Variants in PER1 observed in about 807,000 individuals in gnomAD.
PER1 encodes period circadian regulator 1, also known as period circadian protein homolog 1.
A neutral mutation model predicts 125.9 loss-of-function variants in PER1; 87 were observed. The observed-to-expected ratio is 0.69, with a 90% CI of 0.58 to 0.83. The LOEUF (loss-of-function observed/expected upper bound fraction) is 0.83, where lower values mean the gene tolerates loss of function less well. Ranked by LOEUF, PER1 falls within the 40% of genes least tolerant of loss-of-function variation. PER1 has a pLI of 0.00. For missense variants in PER1, 1,775 were observed against 1,722.8 expected (o/e 1.03, Z -0.54); for synonymous variants, 801 against 714.7 (o/e 1.12, Z -1.93).
In PER1 at chr17:8,149,828, C is replaced by T. The variant is rs562612534; in HGVS notation, c.578G>A (p.Cys193Tyr). ...GGTATAGGTGGACATGTCCATGGAG[C>T]AAGGCTCGCCCTCCTCCAGGCTCCA... is the stretch of plus-strand genomic sequence containing the variant. ...QQWSLEEGEP[C>Y]SMDMSTYTLE... is the part of the protein sequence containing the mutation. The change falls in exon 5 of 23, where the codon TGC becomes TAC. Residue 193 changes from cysteine (C) to tyrosine (Y), a missense_variant. By Grantham distance (194) the Cys-to-Tyr change is radical. Coordinates refer to ENST00000317276, the MANE Select transcript of PER1 (RefSeq NM_002616.3). 1 of 1,613,982 alleles carries T rather than the reference C, an allele frequency of 6.2e-7. No homozygotes were observed. The highest frequency in any genetic ancestry group is 2.2e-5 in the East Asian group (1 of 44,880).
chr17:8,149,294 G>C lies in PER1; in HGVS notation c.870C>G (p.Asp290Glu). The C allele has an allele frequency of 6.2e-7, 1 of 1,613,964 alleles. No homozygotes were observed. The highest frequency in any genetic ancestry group is 8.5e-7 in the Non-Finnish European group (1 of 1,179,936). ...AGAAGACGGACTTCTCCTGGGTAAA[G>C]TCCCTGAGGCCTGAACCTGGGACAG... ...TGASAGSGLRDFTQEKSVFCR... is the reference protein window; with the variant it reads ...TGASAGSGLREFTQEKSVFCR... Residue 290 changes from aspartate (D) to glutamate (E), a missense_variant, in exon 7 of 23, where the codon GAC becomes GAG. Physicochemically the swap from Asp to Glu is conservative, Grantham distance 45. Coordinates refer to ENST00000317276, the MANE Select transcript of PER1 (RefSeq NM_002616.3).
rs1982224601 is a variant in PER1, at chr17:8,143,572, C to T, written c.2766G>A (p.Val922=). ...GGGTTGGGAACAGATAGTTAGGGAG[C>T]ACCAAGGCCACCATTGGGGTCACCA... The part of the protein sequence containing the change: ...APLVTPMVAL[V]LPNYLFPTPS... The change falls in exon 19 of 23, where the codon GTG becomes GTA. Residue 922 remains valine, a synonymous_variant. Coordinates refer to ENST00000317276, the MANE Select transcript of PER1 (RefSeq NM_002616.3). 2.0e-6 allele frequency: 3 copies of T among 1,467,008 alleles called. No homozygotes were observed. The highest frequency in any genetic ancestry group is 2.7e-6 in the Non-Finnish European group (3 of 1,103,888). The allele number at this position is 1,467,008 out of a possible 1,614,324, so 90.9% of individuals were successfully genotyped here. A position where few individuals can be genotyped will look rare whatever the true frequency, so the allele number is the denominator to read the frequency against.
Position 8,148,217 on chromosome 17 carries a change from T to C in PER1, c.1091A>G (p.His364Arg). The change falls in exon 9 of 23, where the codon CAC becomes CGC. Residue 364 changes from histidine (H) to arginine (R), a missense_variant. Coordinates refer to ENST00000317276, the MANE Select transcript of PER1 (RefSeq NM_002616.3). ...PPDKRIFTTR[H>R]TPSCLFQDVD... ...ATCCTGGAAGAGGCAGCTGGGTGTG[T>C]GCCGCGTAGTGAAAATCCTCTTGTC... The C allele has an allele frequency of 6.2e-7, 1 of 1,614,082 alleles. No individual in the cohort carries two copies. Among genetic ancestry groups the C allele is most frequent in the Non-Finnish European group, 8.5e-7 (1 of 1,179,998 alleles).
Position 8,144,996 on chromosome 17 carries a change from G to A in PER1, c.2219-3C>T. On this transcript the variant is annotated splice_region_variant and splice_polypyrimidine_tract_variant and intron_variant, in intron 17 of 22. Transcript: ENST00000317276. ...CAGGTCCTCCATCATGATGATGTCT[G>A]AGGAGAGTGAGATAGGGAAAGGTCA... 1 of 1,474,198 alleles carries A rather than the reference G, an allele frequency of 6.8e-7. No homozygotes were observed. The highest frequency in any genetic ancestry group is 1.5e-5 in the South Asian group (1 of 68,368). The allele number at this position is 1,474,198 out of a possible 1,614,324, so 91.3% of individuals were successfully genotyped here.
chr17:8,148,473 G>A lies in PER1; in HGVS notation c.1048+171C>T, dbSNP rs148733201. 3.3e-3 allele frequency among the ~76,000 whole-genome samples: 496 copies of A among 152,208 alleles called. 3 individuals are homozygous for A. Among genetic ancestry groups the A allele is most frequent in the African/African-American group, 0.011 (470 of 41,522 alleles). On this transcript the variant is annotated intron_variant, in intron 8 of 22. Coordinates refer to ENST00000317276, the MANE Select transcript of PER1 (RefSeq NM_002616.3). ...TTCTTCTCTGCCCTCCTCTAGCTTG[G>A]GCACCTTATTCAACTCTACCTCTAA...
Position 8,150,778 on chromosome 17 carries a change from C to G in PER1, c.-72G>C. ...ACGGATGCACGAGGGGGCCTGGAGG[C>G]TTGGCTGAGGGAGTGAGGTGGAAGA... On this transcript the variant is annotated 5_prime_UTR_variant, in exon 2 of 23. Transcript: ENST00000317276. The G allele has an allele frequency of 7.1e-7, 1 of 1,404,622 alleles. No homozygotes were observed. The highest frequency in any genetic ancestry group is 1.4e-5 in the South Asian group (1 of 70,510). 87.0% of individuals were successfully genotyped at this position (1,404,622 alleles called of 1,614,324 possible).
chr17:8,151,379 C>T (rs376688981), intron 1 of PER1, among the ~76,000 whole-genome samples: 1 of 152,238 alleles, frequency 6.6e-6, no homozygotes, highest in East Asian at 1.9e-4. Flanking sequence ...GCGGGAGGAG[C>T]GACCCCTCCC....
chr17:8,148,110 G>C lies in PER1; in HGVS notation c.1128-7C>G. 6 of 1,612,748 alleles carry C rather than the reference G, an allele frequency of 3.7e-6. No individual in the cohort carries two copies. Among genetic ancestry groups the C allele is most frequent in the Non-Finnish European group, 5.1e-6 (6 of 1,179,216 alleles). On this transcript the variant is annotated splice_polypyrimidine_tract_variant and splice_region_variant and intron_variant, in intron 9 of 22. Coordinates refer to ENST00000317276, the MANE Select transcript of PER1 (RefSeq NM_002616.3). ...GCCCAGCAGGGGGGCAGCCCTGAACGGGAAGGAGGCATCAGAGTGGCCGTG... is the reference window on the plus strand; with the variant it reads ...GCCCAGCAGGGGGGCAGCCCTGAACCGGAAGGAGGCATCAGAGTGGCCGTG...
At chr17:8,151,762 C>T (rs768162925) in intron 1 of PER1, among the ~76,000 whole-genome samples, 17 of 152,146 alleles carry the variant, frequency 1.1e-4, no homozygotes, top group Non-Finnish European at 1.9e-4. Flanking sequence ...CCAGACCCCC[C>T]CACCAACCCC....
intron 19 of PER1, 32 bp downstream of exon 19, chr17:8,143,234 G>C: frequency 7.2e-7 from 1 of 1,397,830 alleles, no homozygotes; most frequent in East Asian, 2.6e-5. Context: ...TGGGGTGGGG[G>C]CTGGCAGGCA....
Position 8,148,272 on chromosome 17 carries a change from G to A in PER1, c.1049-13C>T, listed in dbSNP as rs200466139. The A allele has an allele frequency of 5.2e-5, 83 of 1,610,522 alleles. No individual in the cohort carries two copies. In the Admixed American group the frequency reaches 1.2e-3, roughly 23 times the overall value. On this transcript the variant is annotated splice_polypyrimidine_tract_variant and intron_variant, in intron 8 of 22. Transcript: ENST00000317276. ...GGTATCCGGGGAGCTGAGGCACAGA[G>A]AGTGTGGTCACTGGGTTTCGTCCAG...
Position 8,148,695 on chromosome 17 carries a change from C to G in PER1, c.997G>C (p.Ala333Pro), listed in dbSNP as rs1337442558. Residue 333 changes from alanine to proline, a missense_variant, in exon 8 of 23, where the codon GCA (alanine) becomes CCA (proline). Transcript: ENST00000317276. ...TKIRVSDGAP[A>P]QPCCLLIAER... is the part of the protein sequence containing the mutation. Reference sequence around the variant, plus strand: ...GCAATCAGCAGGCAGCACGGCTGTGCAGGGGCCCCATCTGAGACCCGGATC... The same window carrying G: ...GCAATCAGCAGGCAGCACGGCTGTGGAGGGGCCCCATCTGAGACCCGGATC... 3 of 1,613,772 alleles carry G rather than the reference C, an allele frequency of 1.9e-6. No homozygotes were observed. Among genetic ancestry groups the G allele is most frequent in the South Asian group, 1.1e-5 (1 of 91,036 alleles).
rs1473033052 is a variant in PER1, at chr17:8,144,916, G to C, written c.2296C>G (p.Pro766Ala). The C allele has an allele frequency of 6.5e-6, 10 of 1,537,870 alleles. No homozygotes were observed. Among genetic ancestry groups the C allele is most frequent in the Non-Finnish European group, 8.8e-6 (10 of 1,140,274 alleles). The change falls in exon 18 of 23, where the codon CCT (proline) becomes GCT (alanine). Residue 766 changes from proline to alanine, a missense_variant. Pro to Ala is a conservative substitution (Grantham distance 27, BLOSUM62 -1). Transcript: ENST00000317276. ...PSPAPSPTVA[P>A]DPAPDAYRPV... ...CGGTAGGCGTCTGGGGCTGGGTCAGGGGCTACTGTGGGGCTGGGGGCTGGG... is the reference window on the plus strand; with the variant it reads ...CGGTAGGCGTCTGGGGCTGGGTCAGCGGCTACTGTGGGGCTGGGGGCTGGG...
At chr17:8,141,412 C>A in intron 22 of PER1, 72 bp from the exon 23 acceptor site, 1 of 1,491,424 alleles carries the variant, frequency 6.7e-7, no homozygotes, top group Non-Finnish European at 9.0e-7. Flanking sequence ...CAGCTTCCCA[C>A]CCCCAGCCCA....
Position 8,141,111 on chromosome 17 carries a change from G to A in PER1, c.3830C>T (p.Ser1277Leu), listed in dbSNP as rs1469739604. The change falls in exon 23 of 23, where the codon TCA (serine) becomes TTA (leucine). Residue 1277 changes from serine (S) to leucine (L), a missense_variant. Ser to Leu is a moderately radical substitution (Grantham distance 145, BLOSUM62 -2). Transcript: ENST00000317276. ...TGCTGTAGGTAAGGCTGGACTGGATGAGCTCCTGCCTTCTTCCTCCTCCTC... is the reference window on the plus strand; with the variant it reads ...TGCTGTAGGTAAGGCTGGACTGGATAAGCTCCTGCCTTCTTCCTCCTCCTC... ...AMEEEEEGRS[S>L]SSPALPTAGN... is the part of the protein sequence containing the mutation. 2 of 1,614,112 alleles carry A rather than the reference G, an allele frequency of 1.2e-6. No homozygotes were observed. Among genetic ancestry groups the A allele is most frequent in the Non-Finnish European group, 1.7e-6 (2 of 1,179,980 alleles).
chr17:8,147,518 G>T lies in PER1; in HGVS notation c.1449C>A (p.Asp483Glu), dbSNP rs780929974. 6.2e-6 allele frequency: 10 copies of T among 1,613,716 alleles called. No individual in the cohort carries two copies. Among genetic ancestry groups the T allele is most frequent in the Non-Finnish European group, 6.8e-6 (8 of 1,179,842 alleles). The change falls in exon 12 of 23, where the codon GAC (aspartate) becomes GAA (glutamate). Residue 483 changes from aspartate to glutamate, a missense_variant. Asp to Glu is a conservative substitution (Grantham distance 45). Coordinates refer to ENST00000317276, the MANE Select transcript of PER1 (RefSeq NM_002616.3). ...GCTCTGACAGCTCCTGGATATCAGT[G>T]TCCAGGGAGGGAGCTGGGCTGGGGG... Reference protein sequence around the residue: ...PPAPSPAPSLDTDIQELSEQI... With the variant: ...PPAPSPAPSLETDIQELSEQI...
intron 1 of PER1, among the ~76,000 whole-genome samples, chr17:8,151,967 G>A (rs1196206851): frequency 6.6e-6 from 1 of 152,228 alleles, no homozygotes; most frequent in Non-Finnish European, 1.5e-5. Context: ...GCAGGGCCAG[G>A]GACTGGAGAA....
At chr17:8,142,173 T>C in intron 21 of PER1, 96 bp downstream of exon 21, 1 of 1,147,808 alleles carries the variant, frequency 8.7e-7, no homozygotes, top group South Asian at 1.5e-5. Context: ...GATAGAAACG[T>C]TTATCCTATC....
In PER1 at chr17:8,150,854, G is replaced by A. The variant is rs777749731; in HGVS notation, c.-139-9C>T. On this transcript the variant is annotated splice_polypyrimidine_tract_variant and intron_variant, in intron 1 of 22. Coordinates refer to ENST00000317276, the MANE Select transcript of PER1 (RefSeq NM_002616.3). ...TCGATCACAGCCAGTACCTGGAGAGGGAGACCAGGAAGCAGGGCTTGCAGA... is the reference window on the plus strand; with the variant it reads ...TCGATCACAGCCAGTACCTGGAGAGAGAGACCAGGAAGCAGGGCTTGCAGA... The A allele has an allele frequency of 2.5e-5, 17 of 675,130 alleles. No homozygotes were observed. In the South Asian group the frequency reaches 4.0e-4, roughly 16 times the overall value. 41.8% of individuals were successfully genotyped at this position (675,130 alleles called of 1,614,324 possible). A position where few individuals can be genotyped will look rare whatever the true frequency, so the allele number is the denominator to read the frequency against.
Sources: gnomAD v4.1 joint callset for allele counts (sites outside exome capture counted in the v4.1 genomes callset) on GRCh38, gnomAD v4.1.1 for gene constraint, MANE v1.5 for transcripts, NCBI Gene and HGNC (gene_info 2026-07-23, HGNC 2026-07-21) for gene names.